Variants in CEP126 observed in about 807,000 individuals in gnomAD.
CEP126 encodes centrosomal protein of 126 kDa.
In CEP126, 74 loss-of-function variants were observed where a neutral mutation model predicts 107.8. That is an observed-to-expected ratio of 0.69 (90% CI 0.57 to 0.83). The LOEUF (loss-of-function observed/expected upper bound fraction) is 0.83, where lower values mean the gene tolerates loss of function less well. Ranked by LOEUF, CEP126 falls within the 40% of genes least tolerant of loss-of-function variation. The pLI is 0.00. For synonymous variants in CEP126, 449 were observed against 446.0 expected, an observed-to-expected ratio of 1.01 and a Z score of -0.08; for missense variants, 1,237 against 1,281.9, an observed-to-expected ratio of 0.96 and a Z score of 0.53.
intron 4 of CEP126, among the ~76,000 whole-genome samples, chr11:101,951,016 G>A (rs1940804977): frequency 1.3e-5 from 2 of 152,140 alleles, no homozygotes; most frequent in Non-Finnish European, 2.9e-5. Context: ...AATAACCCAA[G>A]GGATAGATCC....
intron 10 of CEP126, among the ~76,000 whole-genome samples, chr11:101,994,374 T>G (rs558495037): frequency 6.6e-6 from 1 of 152,362 alleles, no homozygotes; most frequent in South Asian, 2.1e-4. Flanking sequence ...TTAGTTTAGC[T>G]AGGTTCCATT....
intron 6 of CEP126, among the ~76,000 whole-genome samples, chr11:101,969,105 C>T (rs1482155181): frequency 6.6e-6 from 1 of 152,120 alleles, no homozygotes; most frequent in African/African-American, 2.4e-5. Context: ...ACTGCAGCAT[C>T]ATCCTCCTGT....
rs2137143179 is a variant in CEP126, at chr11:101,999,899, T to A, written c.*2256T>A. ...CATCTCTATATAAAATATAAAAATG[T>A]TGGCTGTGCACGGTAGCTTATGCCT... is the stretch of plus-strand genomic sequence containing the variant. On this transcript the variant is annotated 3_prime_UTR_variant, in exon 11 of 11. Transcript: ENST00000263468. 6.6e-6 allele frequency: 1 copy of A among 152,274 alleles called. No individual in the cohort carries two copies. Among genetic ancestry groups the A allele is most frequent in the Non-Finnish European group, 1.5e-5 (1 of 68,074 alleles). The allele number at this position is 152,274 out of a possible 1,614,324, so 9.4% of individuals were successfully genotyped here. A position where few individuals can be genotyped will look rare whatever the true frequency, so the allele number is the denominator to read the frequency against.
At chr11:101,956,617 G>T (rs370906683) in intron 4 of CEP126, 47 of 455,050 alleles carry the variant, frequency 1.0e-4, no homozygotes, top group East Asian at 5.6e-4. Flanking sequence ...CCTCTTCTTC[G>T]ACTTCCTGTT....
chr11:101,972,810 A>G (rs1251130361), intron 6 of CEP126, among the ~76,000 whole-genome samples: 1 of 152,158 alleles, frequency 6.6e-6, no homozygotes, highest in Non-Finnish European at 1.5e-5. Flanking sequence ...AAAAAAAAAG[A>G]ATTTCATGTT....
chr11:101,935,787 T>C (rs1565352399), intron 2 of CEP126, among the ~76,000 whole-genome samples: 1 of 152,076 alleles, frequency 6.6e-6, no homozygotes, highest in Non-Finnish European at 1.5e-5. Flanking sequence ...ATAGGGGAAC[T>C]ACCATATAGG....
chr11:101,917,245 T>G (rs1940236769), intron 1 of CEP126, among the ~76,000 whole-genome samples: 1 of 152,142 alleles, frequency 6.6e-6, no homozygotes, highest in Admixed American at 6.5e-5. Flanking sequence ...ACCTTTTATA[T>G]AAGTTTAATT....
intron 2 of CEP126, among the ~76,000 whole-genome samples, chr11:101,934,311 AT>A (rs1357066587): frequency 6.6e-6 from 1 of 151,930 alleles, no homozygotes; most frequent in African/African-American, 2.4e-5. Flanking sequence ...ATGGTCTGTC[AT>A]TTTCTTGAAC....
At chr11:101,974,619 A>T (rs552697389) in intron 6 of CEP126, among the ~76,000 whole-genome samples, 11 of 152,260 alleles carry the variant, frequency 7.2e-5, no homozygotes, top group Admixed American at 4.6e-4. Flanking sequence ...AGATTTTTTT[A>T]AATATAATGC....
chr11:101,922,811 A>G (rs1565348729), intron 2 of CEP126, 51 bp downstream of exon 2: 1 of 1,466,732 alleles, frequency 6.8e-7, no homozygotes, highest in Non-Finnish European at 9.4e-7. Context: ...GTCAATATAA[A>G]GTAATAGTTT....
Position 101,915,061 on chromosome 11 carries a change from C to T in CEP126, c.-224C>T. The T allele has an allele frequency of 3.8e-6, 2 of 530,444 alleles. No homozygotes were observed. The highest frequency in any genetic ancestry group is 1.9e-5 in the African/African-American group (1 of 51,744). The allele number at this position is 530,444 out of a possible 1,614,324, so 32.9% of individuals were successfully genotyped here. A position where few individuals can be genotyped will look rare whatever the true frequency, so the allele number is the denominator to read the frequency against. On this transcript the variant is annotated 5_prime_UTR_variant, in exon 1 of 11. Coordinates refer to ENST00000263468, the MANE Select transcript of CEP126 (RefSeq NM_020802.4). ...GGCTGCAGGGTTGCTGCCGCCCCAT[C>T]TGCTATTGCCCGGCGAGGTCGCCGC...
intron 2 of CEP126, among the ~76,000 whole-genome samples, chr11:101,934,712 T>C (rs963930891): frequency 1.3e-5 from 2 of 152,124 alleles, no homozygotes; most frequent in Non-Finnish European, 2.9e-5. Flanking sequence ...TTCATTCTTA[T>C]TGCCCAATGG....
chr11:101,970,106 C>T (rs1464915395), intron 6 of CEP126, among the ~76,000 whole-genome samples: 1 of 152,052 alleles, frequency 6.6e-6, no homozygotes, highest in Admixed American at 6.5e-5. Context: ...TCCAAAAAAC[C>T]ATTACCAGAT....
chr11:101,937,223 G>A (rs4754819), intron 2 of CEP126, among the ~76,000 whole-genome samples: 8,908 of 152,224 alleles, frequency 0.059, 475 homozygotes, highest in East Asian at 0.26. Flanking sequence ...GACAATCTGC[G>A]GTTGTTTGGT....
intron 7 of CEP126, among the ~76,000 whole-genome samples, chr11:101,979,186 C>T (rs1941227538): frequency 6.6e-6 from 1 of 151,688 alleles, no homozygotes; most frequent in Non-Finnish European, 1.5e-5. Flanking sequence ...TTTCATGTGA[C>T]TGAATATCCT....
chr11:101,921,325 C>T (rs1940322351), intron 1 of CEP126, among the ~76,000 whole-genome samples: 1 of 152,204 alleles, frequency 6.6e-6, no homozygotes, highest in Non-Finnish European at 1.5e-5. Context: ...TTTACTCCAT[C>T]TACTTTCTAT....
chr11:101,986,848 T>C lies in CEP126; in HGVS notation c.3051T>C (p.Ser1017=). ...TTTCTGTAGTTTCAGATAGTACTTC[T>C]GAGTTTTTGATGGCTGAAAACTTAG... The part of the protein sequence containing the change: ...SYIEEVSDST[S]EFLMAENLVK... The change falls in exon 9 of 11, where the codon TCT becomes TCC. Residue 1017 remains serine, a synonymous_variant. Transcript: ENST00000263468. 6.2e-7 allele frequency: 1 copy of C among 1,613,740 alleles called. No individual in the cohort carries two copies. The highest frequency in any genetic ancestry group is 8.5e-7 in the Non-Finnish European group (1 of 1,179,768).
At chr11:101,941,485 T>C (rs918085915) in intron 2 of CEP126, among the ~76,000 whole-genome samples, 1 of 152,230 alleles carries the variant, frequency 6.6e-6, no homozygotes, top group Non-Finnish European at 1.5e-5. Flanking sequence ...TCTTCGTTTT[T>C]AAGACTGAAA....
chr11:101,925,749 G>T (rs1940397690), intron 2 of CEP126, among the ~76,000 whole-genome samples: 1 of 12,554 alleles, frequency 8.0e-5, no homozygotes, highest in Non-Finnish European at 1.8e-4. Context: ...CACCTCCTGG[G>T]TTCAAGCAAT....
Sources: allele counts gnomAD v4.1 joint callset (sites outside exome capture counted in the v4.1 genomes callset), GRCh38; gene constraint gnomAD v4.1.1; transcripts MANE v1.5; gene names NCBI Gene and HGNC (gene_info 2026-07-23, HGNC 2026-07-21).